FN3K: variants seen among roughly 807,000 people sequenced by gnomAD.
FN3K encodes fructosamine 3 kinase.
Under a neutral mutation model 24.8 loss-of-function variants are expected in FN3K, and 24 were observed. That is an observed-to-expected ratio of 0.97 (90% CI 0.70 to 1.36). The LOEUF is 1.36. Among genes scored for constraint, FN3K ranks in the 40% most tolerant of loss-of-function variants. The pLI, the probability that FN3K is intolerant of heterozygous loss-of-function variation, is 0.00. For synonymous variants in FN3K, 192 were observed against 175.2 expected (o/e 1.10, Z -0.76); for missense variants, 449 against 416.7 (o/e 1.08, Z -0.67).
In FN3K at chr17:82,749,032, G is replaced by T. The variant is rs145719420; in HGVS notation, c.591+55G>T. The T allele has an allele frequency of 1.3e-4, 216 of 1,611,312 alleles. 1 individual carries two copies. The African/African-American group carries it at 2.5e-3, about 19-fold the overall frequency. ...GAGCTGGTCCTCTCATGATCCCGCCGCATTTGTGCGGGTTCATCTGTAAAA... is the reference window on the plus strand; with the variant it reads ...GAGCTGGTCCTCTCATGATCCCGCCTCATTTGTGCGGGTTCATCTGTAAAA... On this transcript the variant is annotated intron_variant, in intron 5 of 5. Transcript: ENST00000300784.
chr17:82,745,251 C>T lies in FN3K; in HGVS notation c.469-3604C>T, dbSNP rs909285775. On this transcript the variant is annotated intron_variant, in intron 4 of 5. Transcript: ENST00000300784. Reference sequence around the variant, plus strand: ...TTGAGATTAGGGAGTGGTGATGACTCTTAACGAGTATGCTGCCTTCAAGCA... The same window carrying T: ...TTGAGATTAGGGAGTGGTGATGACTTTTAACGAGTATGCTGCCTTCAAGCA... The T allele has an allele frequency of 4.6e-5, 9 of 194,368 alleles. No homozygotes were observed. The East Asian group carries it at 1.1e-3, about 24-fold the overall frequency. The allele number at this position is 194,368 out of a possible 1,614,324, so 12.0% of individuals were successfully genotyped here.
At chr17:82,740,633 G>C (rs1257577634) in intron 2 of FN3K, 130 bp from the exon 3 acceptor site, 3 of 679,668 alleles carry the variant, frequency 4.4e-6, no homozygotes, top group Non-Finnish European at 8.0e-6. Context: ...ATTGCCTGGT[G>C]TTCACTTTTT....
Position 82,738,593 on chromosome 17 carries a change from T to G in FN3K, c.246T>G (p.Gly82=). Residue 82 remains glycine (G), a synonymous_variant, in exon 2 of 6, where the codon GGT becomes GGG. Transcript: ENST00000300784. ...TGAAGGTCATCGACCTGCCGGGAGG[T>G]GGGGCCGCCTTTGTGATGGAGCATT... ...RPMKVIDLPG[G]GAAFVMEHLK... The G allele has an allele frequency of 1.2e-6, 2 of 1,613,468 alleles. No homozygotes were observed. The highest frequency in any genetic ancestry group is 1.7e-6 in the Non-Finnish European group (2 of 1,179,902).
chr17:82,748,935 C>G lies in FN3K; in HGVS notation c.549C>G (p.Asp183Glu). 5 of 1,614,192 alleles carry G rather than the reference C, an allele frequency of 3.1e-6. No homozygotes were observed. Among genetic ancestry groups the G allele is most frequent in the Admixed American group, 1.7e-5 (1 of 60,020 alleles). The change falls in exon 5 of 6, where the codon GAC becomes GAG. Residue 183 changes from aspartate (D) to glutamate (E), a missense_variant. Coordinates refer to ENST00000300784, the MANE Select transcript of FN3K (RefSeq NM_022158.4). ...LQAQLDLIEK[D>E]YADREARELW... ...CGCAGCTGGACCTCATTGAGAAGGA[C>G]TATGCTGACCGAGAGGCACGAGAAC...
chr17:82,750,918 CCGTCCCCGTCCCTCCATCCCT>C lies in FN3K; in HGVS notation c.*164_*184del. 2.5e-6 allele frequency: 1 copy of C among 397,806 alleles called. No homozygotes were observed. Among genetic ancestry groups the C allele is most frequent in the Non-Finnish European group, 4.5e-6 (1 of 222,126 alleles). 24.6% of individuals were successfully genotyped at this position (397,806 alleles called of 1,614,324 possible). A position where few individuals can be genotyped will look rare whatever the true frequency, so the allele number is the denominator to read the frequency against. On this transcript the variant is annotated 3_prime_UTR_variant, in exon 6 of 6. Coordinates refer to ENST00000300784, the MANE Select transcript of FN3K (RefSeq NM_022158.4). ...CCCCCATCCTCCTGTCCCCGTCCCC[CCGTCCCCGTCCCTCCATCCCT>C]GTCCCCCGTCCCCCTGTCCCCCTGT...
At chr17:82,746,716 T>C (rs1006917835) in intron 4 of FN3K, among the ~76,000 whole-genome samples, 1 of 152,020 alleles carries the variant, frequency 6.6e-6, no homozygotes, top group African/African-American at 2.4e-5. Flanking sequence ...GGCAGGAGAA[T>C]TGCTTGAACC....
At chr17:82,745,043 C>T (rs1252809451) in intron 4 of FN3K, 1 of 152,150 alleles carries the variant, frequency 6.6e-6, no homozygotes, top group African/African-American at 2.4e-5. Context: ...GGCATGCCTT[C>T]CTCTTATACT....
chr17:82,741,402 C>T lies in FN3K; in HGVS notation c.468+9C>T. On this transcript the variant is annotated intron_variant, in intron 4 of 5. Coordinates refer to ENST00000300784, the MANE Select transcript of FN3K (RefSeq NM_022158.4). ...GCGGCTTCATCCCGCAGGTGAGTGC[C>T]TGGGTGAGGGTGTTCCCTGATGCCC... The T allele has an allele frequency of 1.2e-6, 2 of 1,611,924 alleles. No homozygotes were observed. Among genetic ancestry groups the T allele is most frequent in the Non-Finnish European group, 1.7e-6 (2 of 1,178,930 alleles).
intron 4 of FN3K, among the ~76,000 whole-genome samples, chr17:82,742,120 G>T (rs1233002227): frequency 6.6e-6 from 1 of 152,114 alleles, no homozygotes; most frequent in Non-Finnish European, 1.5e-5. Flanking sequence ...GACCAGGCTG[G>T]TCTCGAACTC....
intron 5 of FN3K, chr17:82,750,039 CAG>C (rs1360095186): frequency 2.5e-5 from 7 of 277,788 alleles, no homozygotes; most frequent in Non-Finnish European, 4.9e-5. Context: ...GCCTGGGTGA[CAG>C]AGCAAGATTC....
rs370852278 is a variant in FN3K at position 82,743,681 on chromosome 17, C to G, written c.468+2288C>G. ...ACTGAACTCAACTCACCCACTTGCCCTAGCAGGTAACCAGGCAGATAATGT... is the reference window on the plus strand; with the variant it reads ...ACTGAACTCAACTCACCCACTTGCCGTAGCAGGTAACCAGGCAGATAATGT... On this transcript the variant is annotated intron_variant, in intron 4 of 5. Coordinates refer to ENST00000300784, the MANE Select transcript of FN3K (RefSeq NM_022158.4). Among the ~76,000 whole-genome samples the G allele has an allele frequency of 2.3e-4, 35 of 152,238 alleles. 1 individual carries two copies. The highest frequency in any genetic ancestry group is 2.3e-3 in the Admixed American group (35 of 15,288).
chr17:82,749,365 T>C, intron 5 of FN3K: 1 of 344,912 alleles, frequency 2.9e-6, no homozygotes, highest in South Asian at 2.3e-5. Flanking sequence ...GAATGACTGA[T>C]TTCAAAACAT....
chr17:82,750,786 TCCCCGTCTCCGTCTCCCCGTCCCTGTCC>T lies in FN3K; in HGVS notation c.*39_*66del. On this transcript the variant is annotated 3_prime_UTR_variant, in exon 6 of 6. Transcript: ENST00000300784. ...CCTGCCCTCCCTTCCCCTGTCCCCG[TCCCCGTCTCCGTCTCCCCGTCCCTGTCC>T]CCCCGTCCCCCGTCCCTGTGCCCCC... 1 of 1,528,768 alleles carries T rather than the reference TCCCCGTCTCCGTCTCCCCGTCCCTGTCC, an allele frequency of 6.5e-7. No individual in the cohort carries two copies. Among genetic ancestry groups the T allele is most frequent in the South Asian group, 1.1e-5 (1 of 88,488 alleles). The allele number at this position is 1,528,768 out of a possible 1,614,324, so 94.7% of individuals were successfully genotyped here. A position where few individuals can be genotyped will look rare whatever the true frequency, so the allele number is the denominator to read the frequency against.
intron 4 of FN3K, chr17:82,742,860 G>A: frequency 2.7e-6 from 1 of 370,242 alleles, no homozygotes. Flanking sequence ...CTGACTAGTT[G>A]GGTCCCTGCG....
intron 4 of FN3K, among the ~76,000 whole-genome samples, chr17:82,743,746 G>A (rs1033754619): frequency 6.6e-6 from 1 of 152,260 alleles, no homozygotes; most frequent in African/African-American, 2.4e-5. Flanking sequence ...GACATGCAGA[G>A]TTCATGCCTG....
intron 4 of FN3K, among the ~76,000 whole-genome samples, chr17:82,746,855 C>T (rs1367131582): frequency 6.6e-6 from 1 of 151,968 alleles, no homozygotes; most frequent in Non-Finnish European, 1.5e-5. Context: ...GATGGAGTTT[C>T]ACTCTGTTGA....
intron 4 of FN3K, among the ~76,000 whole-genome samples, chr17:82,747,553 A>G (rs2046975612): frequency 6.6e-6 from 1 of 152,170 alleles, no homozygotes; most frequent in Non-Finnish European, 1.5e-5. Flanking sequence ...GGCATGCACC[A>G]TCACGCCCAG....
intron 2 of FN3K, among the ~76,000 whole-genome samples, chr17:82,738,947 T>TATATACGTATATATATATACGTA (rs1491164859): frequency 1.5e-5 from 1 of 65,284 alleles, no homozygotes; most frequent in African/African-American, 6.4e-5. Context: ...TATATATATA[T>TATATACGTATATATATATACGTA]TTTTTTTTTT....
intron 1 of FN3K, chr17:82,738,227 C>T (rs1019241546): frequency 1.4e-5 from 7 of 506,330 alleles, no homozygotes; most frequent in East Asian, 3.4e-5. Context: ...CCACACGTGG[C>T]CTGTGCATCC....
Sources: allele counts gnomAD v4.1 joint callset (sites outside exome capture counted in the v4.1 genomes callset), GRCh38; gene constraint gnomAD v4.1.1; transcripts MANE v1.5; gene names NCBI Gene and HGNC (gene_info 2026-07-23, HGNC 2026-07-21).